NR2E1: variants seen among roughly 807,000 people sequenced by gnomAD.
The protein encoded by NR2E1 is nuclear receptor subfamily 2 group E member 1.
In NR2E1, 5 loss-of-function variants were observed where a neutral mutation model predicts 43.6. The observed-to-expected ratio is 0.11, with a 90% confidence interval of 0.06 to 0.24. The LOEUF is 0.24. Among genes scored for constraint, NR2E1 ranks in the 10% least tolerant of loss-of-function variants. The probability of loss-of-function intolerance (pLI) is 1.00; values close to 1 mark genes in which losing one functional copy is unlikely to be tolerated. For missense variants in NR2E1, 287 were observed against 496.7 expected (o/e 0.58, Z 4.01); for synonymous variants, 191 against 195.5 (o/e 0.98, Z 0.19).
rs111234995 is a variant in NR2E1, at chr6:108,182,716, G to A, written c.995+1065G>A. Among the ~76,000 whole-genome samples the A allele has an allele frequency of 7.8e-3, 1,183 of 151,950 alleles. 27 individuals carry two copies. Among genetic ancestry groups the A allele is most frequent in the African/African-American group, 0.026 (1,091 of 41,434 alleles). ...TGGGATTACAGGTGCCTGCCACCAC[G>A]CCCAGCTAATTTTTGTATTTTCAGT... On this transcript the variant is annotated intron_variant, in intron 8 of 8. Coordinates refer to ENST00000368986, the MANE Select transcript of NR2E1 (RefSeq NM_003269.5).
At chr6:108,182,555 A>ATTTT (rs1240401253) in intron 8 of NR2E1, among the ~76,000 whole-genome samples, 4 of 122,908 alleles carry the variant, frequency 3.3e-5, no homozygotes, top group African/African-American at 1.3e-4. Flanking sequence ...CACCCAGCTA[A>ATTTT]TTTTTTTTTT....
In NR2E1 at chr6:108,171,620, T is replaced by A. The variant is rs767370863; in HGVS notation, c.171+17T>A. On this transcript the variant is annotated intron_variant, in intron 2 of 8. Transcript: ENST00000368986. ...GGAAACCAGGTACCTTAGCCAGGGC[T>A]GCACTGCTGGGCTCCGCTCTGCTGC... The A allele has an allele frequency of 6.2e-7, 1 of 1,613,946 alleles. No homozygotes were observed. Among genetic ancestry groups the A allele is most frequent in the South Asian group, 1.1e-5 (1 of 91,092 alleles).
intron 8 of NR2E1, among the ~76,000 whole-genome samples, chr6:108,186,483 T>G (rs1774077220): frequency 6.6e-6 from 1 of 152,192 alleles, no homozygotes; most frequent in Non-Finnish European, 1.5e-5. Flanking sequence ...CCCAGCTTAG[T>G]CACAGATGTG....
Position 108,168,206 on chromosome 6 carries a change from G to C in NR2E1, c.25+1416G>C, listed in dbSNP as rs557898923. ...TTGTTGCCCGCATTCCCGGGCGTGA[G>C]TGTCCTTCCCAGGAGGCTCAGGAGG... On this transcript the variant is annotated intron_variant, in intron 1 of 8. Coordinates refer to ENST00000368986, the MANE Select transcript of NR2E1 (RefSeq NM_003269.5). The C allele has an allele frequency of 3.9e-6, 6 of 1,547,370 alleles. No individual in the cohort carries two copies. In the Admixed American group the frequency reaches 6.1e-5, roughly 16 times the overall value.
chr6:108,174,825 CTCTGT>C lies in NR2E1; in HGVS notation c.172-8_172-4del. ...CCCTGGGGACCGCTGACCTCCTGCT[CTCTGT>C]TCCAGGGAGGCTGTCCGGTGGACAA... On this transcript the variant is annotated splice_region_variant and splice_polypyrimidine_tract_variant and intron_variant, in intron 2 of 8. Transcript: ENST00000368986. 6.2e-7 allele frequency: 1 copy of C among 1,613,392 alleles called. No homozygotes were observed. The highest frequency in any genetic ancestry group is 1.1e-5 in the South Asian group (1 of 91,060).
rs772019238 is a variant in NR2E1 at position 108,181,603 on chromosome 6, C to T, written c.947C>T (p.Ala316Val). The T allele has an allele frequency of 4.1e-5, 66 of 1,614,096 alleles. No individual in the cohort carries two copies. Among genetic ancestry groups the T allele is most frequent in the Non-Finnish European group, 1.0e-5 (12 of 1,180,042 alleles). The change falls in exon 8 of 9, where the codon GCC becomes GTC. Residue 316 changes from alanine to valine, a missense_variant. Around this residue, in one of 4 missense-constraint regions of NR2E1, gnomAD observed 119 missense variants for 187.0 expected, o/e 0.64. Coordinates refer to ENST00000368986, the MANE Select transcript of NR2E1 (RefSeq NM_003269.5). ...TTCCGGAATGCTGCCGCCATTGCAG[C>T]CCTTCAAGATGAGGCTCAGCTAACG... ...RSFRNAAAIA[A>V]LQDEAQLTLN... is the part of the protein sequence containing the mutation.
At chr6:108,185,274 A>C (rs1442287835) in intron 8 of NR2E1, among the ~76,000 whole-genome samples, 1 of 152,196 alleles carries the variant, frequency 6.6e-6, no homozygotes, top group African/African-American at 2.4e-5. Context: ...AATAGACCTA[A>C]AACACTTAAA....
Position 108,180,136 on chromosome 6 carries a change from T to C in NR2E1, c.643-187T>C, listed in dbSNP as rs1004964435. ...GGAATGGCTGACTCTCAAATCCATATGCATATCTATAGGCACCTTTTCAAA... is the reference window on the plus strand; with the variant it reads ...GGAATGGCTGACTCTCAAATCCATACGCATATCTATAGGCACCTTTTCAAA... On this transcript the variant is annotated intron_variant, in intron 5 of 8. Transcript: ENST00000368986. This position sits in a 1 kb window ranked among gnomAD's most constrained non-coding sequence, Gnocchi z 5.4. 1.3e-5 allele frequency among the ~76,000 whole-genome samples: 2 copies of C among 152,180 alleles called. No homozygotes were observed. The highest frequency in any genetic ancestry group is 2.4e-5 in the African/African-American group (1 of 41,434).
intron 4 of NR2E1, among the ~76,000 whole-genome samples, chr6:108,176,960 G>A (rs1021569111): frequency 1.3e-5 from 2 of 152,220 alleles, no homozygotes; most frequent in African/African-American, 4.8e-5. Context: ...GTGGCTACAA[G>A]TGTGCACTCC....
rs1448229169 is a variant in NR2E1, at chr6:108,180,622, GTGTT to G, written c.740-180_740-177del. Among the ~76,000 whole-genome samples, 1 of 152,080 alleles carries G rather than the reference GTGTT, an allele frequency of 6.6e-6. No homozygotes were observed. Among genetic ancestry groups the G allele is most frequent in the Non-Finnish European group, 1.5e-5 (1 of 68,010 alleles). ...CATTGTTATTTAAATGCAAATTACT[GTGTT>G]TGTTATCATCCAAGAGAAGATTTTA... On this transcript the variant is annotated intron_variant, in intron 6 of 8. Transcript: ENST00000368986. This position sits in a 1 kb window ranked among gnomAD's most constrained non-coding sequence, Gnocchi z 5.4.
In NR2E1 at chr6:108,176,732, G is replaced by T; in HGVS notation, c.489G>T (p.Thr163=). The part of the protein sequence containing the change: ...RQTLVSLAQP[T]PKYPHEVNGT... ...CCCTCGTGAGCCTGGCTCAGCCCAC[G>T]CCCAAGGTCAGCGGCCTTGCTGGGC... Residue 163 remains threonine (T), a synonymous_variant, in exon 4 of 9, where the codon ACG becomes ACT. Transcript: ENST00000368986. 6.4e-7 allele frequency: 1 copy of T among 1,567,584 alleles called. No homozygotes were observed. Among genetic ancestry groups the T allele is most frequent in the Non-Finnish European group, 8.6e-7 (1 of 1,162,408 alleles).
rs377622149 is a variant in NR2E1, at chr6:108,178,249, C to T, written c.642+8C>T. 9 of 1,613,958 alleles carry T rather than the reference C, an allele frequency of 5.6e-6. No individual in the cohort carries two copies. The highest frequency in any genetic ancestry group is 1.7e-5 in the Admixed American group (1 of 60,010). ...CTGTCTTTGCAAGACCAGGTATGAC[C>T]ACACTGAGGCCTTGGGAGAAAGAGA... On this transcript the variant is annotated splice_region_variant and intron_variant, in intron 5 of 8. Coordinates refer to ENST00000368986, the MANE Select transcript of NR2E1 (RefSeq NM_003269.5).
chr6:108,170,334 ATTAAG>A (rs983822525), intron 1 of NR2E1, among the ~76,000 whole-genome samples: 4 of 152,238 alleles, frequency 2.6e-5, no homozygotes, highest in Admixed American at 6.5e-5. Flanking sequence ...TAAAGTGTTA[ATTAAG>A]TTAACAGTTT....
Position 108,176,542 on chromosome 6 carries a change from G to A in NR2E1, c.299G>A (p.Arg100His), listed in dbSNP as rs1309446949. Reference sequence around the variant, plus strand: ...CGGGGGCCTCGGACGTCCACCATCCGCAAGCAAGTGGCCCTCTACTTCCGT... The same window carrying A: ...CGGGGGCCTCGGACGTCCACCATCCACAAGCAAGTGGCCCTCTACTTCCGT... ...HERGPRTSTI[R>H]KQVALYFRGH... Residue 100 changes from arginine (R) to histidine (H), a missense_variant, in exon 4 of 9, where the codon CGC becomes CAC. Physicochemically the swap from Arg to His is conservative, Grantham distance 29 (BLOSUM62 0). Transcript: ENST00000368986. 6.2e-7 allele frequency: 1 copy of A among 1,613,106 alleles called. No individual in the cohort carries two copies.
chr6:108,180,485 GAAC>G lies in NR2E1; in HGVS notation c.739+71_739+73del. ...CCATAAAAATACATTACTGAAAAAAGAACAACATGTAAAGAATAACAAATTCCT... is the reference window on the plus strand; with the variant it reads ...CCATAAAAATACATTACTGAAAAAAGAACATGTAAAGAATAACAAATTCCT... On this transcript the variant is annotated intron_variant, in intron 6 of 8. Transcript: ENST00000368986. The surrounding 1 kb of genome is among the most constrained non-coding windows in gnomAD (Gnocchi z 5.4). 9.1e-7 allele frequency: 1 copy of G among 1,092,988 alleles called. No individual in the cohort carries two copies. Among genetic ancestry groups the G allele is most frequent in the Non-Finnish European group, 1.4e-6 (1 of 705,050 alleles). The allele number at this position is 1,092,988 out of a possible 1,614,324, so 67.7% of individuals were successfully genotyped here.
intron 2 of NR2E1, among the ~76,000 whole-genome samples, chr6:108,174,498 C>T (rs549232344): frequency 6.6e-6 from 1 of 152,224 alleles, no homozygotes; most frequent in East Asian, 1.9e-4. Flanking sequence ...CACTCCGCGA[C>T]TGGCGGAAGT....
intron 4 of NR2E1, among the ~76,000 whole-genome samples, chr6:108,176,992 T>C (rs1773910299): frequency 6.6e-6 from 1 of 152,070 alleles, no homozygotes; most frequent in South Asian, 2.1e-4. Flanking sequence ...CCCCAGAAAT[T>C]TCATTTCAGC....
chr6:108,169,666 A>G lies in NR2E1; in HGVS notation c.26-1792A>G, dbSNP rs1773772226. ...AGACCCGGTTCCTGAGCGACCAGGA[A>G]CTCCCTTGGGCGCAGTGACAGGCCC... On this transcript the variant is annotated intron_variant, in intron 1 of 8. Coordinates refer to ENST00000368986, the MANE Select transcript of NR2E1 (RefSeq NM_003269.5). This position sits in a 1 kb window ranked among gnomAD's most constrained non-coding sequence, Gnocchi z 6.1. Among the ~76,000 whole-genome samples the G allele has an allele frequency of 1.3e-5, 2 of 151,568 alleles. No individual in the cohort carries two copies. Among genetic ancestry groups the G allele is most frequent in the Admixed American group, 1.3e-4 (2 of 15,232 alleles).
chr6:108,180,750 T>C lies in NR2E1; in HGVS notation c.740-57T>C. 1.3e-6 allele frequency: 2 copies of C among 1,547,586 alleles called. No homozygotes were observed. Among genetic ancestry groups the C allele is most frequent in the Admixed American group, 1.7e-5 (1 of 59,836 alleles). Reference sequence around the variant, plus strand: ...TATGCAGGATTTTGTCAAAAATCAATATTAAATCATGAAAATGCCTTCATA... The same window carrying C: ...TATGCAGGATTTTGTCAAAAATCAACATTAAATCATGAAAATGCCTTCATA... On this transcript the variant is annotated intron_variant, in intron 6 of 8. Coordinates refer to ENST00000368986, the MANE Select transcript of NR2E1 (RefSeq NM_003269.5). The surrounding 1 kb of genome is among the most constrained non-coding windows in gnomAD (Gnocchi z 5.4).
Sources: allele counts gnomAD v4.1 joint callset (sites outside exome capture counted in the v4.1 genomes callset), GRCh38; gene constraint gnomAD v4.1.1; regional missense constraint gnomAD v4.1.1; non-coding constraint Gnocchi (gnomAD v3.1); transcripts MANE v1.5; gene names NCBI Gene and HGNC (gene_info 2026-07-23, HGNC 2026-07-21).